Variants in SRPK1 observed in about 807,000 individuals in gnomAD.
The protein encoded by SRPK1 is SFRS protein kinase 1.
Under a neutral mutation model 89.5 loss-of-function variants are expected in SRPK1, and 52 were observed. The observed-to-expected ratio is 0.58, with a 90% CI of 0.46 to 0.73. The LOEUF (loss-of-function observed/expected upper bound fraction) is 0.73. Among genes scored for constraint, SRPK1 ranks in the 30% least tolerant of loss-of-function variants. The pLI is 0.00. For missense variants in SRPK1, 603 were observed against 780.6 expected (o/e 0.77, Z 2.71); for synonymous variants, 255 against 270.2 (o/e 0.94, Z 0.55).
intron 2 of SRPK1, among the ~76,000 whole-genome samples, chr6:35,917,583 A>G (rs1314879574): frequency 6.6e-6 from 1 of 152,234 alleles, no homozygotes; most frequent in Non-Finnish European, 1.5e-5. Context: ...AAAAGAACCC[A>G]AAGGAAATCC....
intron 12 of SRPK1, among the ~76,000 whole-genome samples, chr6:35,861,544 C>A (rs1307499546): frequency 1.3e-5 from 2 of 152,202 alleles, no homozygotes; most frequent in Admixed American, 1.3e-4. Context: ...GTCCCTATCA[C>A]CCTGCCATGG....
rs1298484082 is a variant in SRPK1, at chr6:35,888,798, GAACCACTAA to G, written c.302+8_302+16del. On this transcript the variant is annotated splice_region_variant and intron_variant, in intron 4 of 15. Transcript: ENST00000373825. ...ACATCATCTAACTAATTCTTTTACAGAACCACTAAAACTTACTGAATATCCCATGATAAC... is the reference window on the plus strand; with the variant it reads ...ACATCATCTAACTAATTCTTTTACAGAACTTACTGAATATCCCATGATAAC... 6.6e-7 allele frequency: 1 copy of G among 1,510,528 alleles called. No homozygotes were observed. Among genetic ancestry groups the G allele is most frequent in the Admixed American group, 1.7e-5 (1 of 59,622 alleles). 93.6% of individuals were successfully genotyped at this position (1,510,528 alleles called of 1,614,324 possible). A position where few individuals can be genotyped will look rare whatever the true frequency, so the allele number is the denominator to read the frequency against.
intron 4 of SRPK1, 110 bp downstream of exon 4, chr6:35,888,705 T>C (rs1159201950): frequency 1.8e-5 from 13 of 724,748 alleles, no homozygotes; most frequent in Non-Finnish European, 2.8e-5. Flanking sequence ...AAAATTCTGA[T>C]AAATGAATCA....
At chr6:35,884,176 A>G (rs1049263516) in intron 6 of SRPK1, among the ~76,000 whole-genome samples, 1 of 152,156 alleles carries the variant, frequency 6.6e-6, no homozygotes, top group Admixed American at 6.5e-5. Flanking sequence ...CAGACAGAAT[A>G]CAGCATGAAA....
At chr6:35,920,330 AC>A (rs1029395529) in intron 2 of SRPK1, 137 bp downstream of exon 2, 12 of 873,778 alleles carry the variant, frequency 1.4e-5, no homozygotes, top group Admixed American at 1.3e-4. Context: ...CTGGAGAGCG[AC>A]CCTCCGAGCT....
intron 2 of SRPK1, among the ~76,000 whole-genome samples, chr6:35,916,784 C>G (rs779078583): frequency 2.6e-5 from 4 of 152,184 alleles, no homozygotes; most frequent in African/African-American, 4.8e-5. Context: ...ATAGGTCAGG[C>G]ACGGTAGCTC....
At chr6:35,892,624 C>A (rs1476953342) in intron 2 of SRPK1, among the ~76,000 whole-genome samples, 2 of 151,706 alleles carry the variant, frequency 1.3e-5, no homozygotes, top group Non-Finnish European at 2.9e-5. Context: ...TGCACTCCAC[C>A]CTGGGCAACA....
chr6:35,860,954 A>G (rs895662999), intron 12 of SRPK1, among the ~76,000 whole-genome samples: 1 of 152,160 alleles, frequency 6.6e-6, no homozygotes, highest in Non-Finnish European at 1.5e-5. Context: ...AAGGAAGAGT[A>G]AGCTCTCTTT....
intron 2 of SRPK1, among the ~76,000 whole-genome samples, chr6:35,904,360 T>C (rs1405086564): frequency 6.6e-6 from 1 of 152,060 alleles, no homozygotes; most frequent in Non-Finnish European, 1.5e-5. Flanking sequence ...TCCACAACTG[T>C]GCTTAATACT....
chr6:35,836,909 T>C (rs891998252), intron 15 of SRPK1, among the ~76,000 whole-genome samples: 2 of 152,068 alleles, frequency 1.3e-5, no homozygotes, highest in African/African-American at 4.8e-5. Flanking sequence ...TTATGAAACA[T>C]TTTACAATTT....
intron 2 of SRPK1, among the ~76,000 whole-genome samples, chr6:35,898,822 C>G (rs970481199): frequency 6.6e-6 from 1 of 152,160 alleles, no homozygotes; most frequent in East Asian, 1.9e-4. Flanking sequence ...TTAAAGCCCT[C>G]TGAACTCCAG....
chr6:35,860,482 A>G (rs1769759063), intron 12 of SRPK1, among the ~76,000 whole-genome samples: 1 of 152,232 alleles, frequency 6.6e-6, no homozygotes, highest in Non-Finnish European at 1.5e-5. Flanking sequence ...ACATAAAGGC[A>G]CCAGAGCCTG....
intron 2 of SRPK1, among the ~76,000 whole-genome samples, chr6:35,897,928 G>A (rs1770657695): frequency 6.6e-6 from 1 of 152,174 alleles, no homozygotes. Context: ...TCACCTGTAT[G>A]TTTATTTAAA....
intron 2 of SRPK1, among the ~76,000 whole-genome samples, chr6:35,906,269 G>T (rs1770846345): frequency 6.6e-6 from 1 of 152,068 alleles, no homozygotes; most frequent in Non-Finnish European, 1.5e-5. Flanking sequence ...CTGTCACCTG[G>T]TCTGGAGTTC....
rs939410308 is a variant in SRPK1, at chr6:35,835,408, C to T, written c.1864G>A (p.Glu622Lys). The part of the protein sequence containing the change: ...LVEKYEWSQE[E>K]AAGFTDFLLP... ...AAGAAATCTGTGAAGCCAGCTGCCT[C>T]TTCCTGCGACCACTCATACTTCTCC... The change falls in exon 16 of 16, where the codon GAG (glutamate) becomes AAG (lysine). Residue 622 changes from glutamate (E) to lysine (K), a missense_variant. Coordinates refer to ENST00000373825, the MANE Select transcript of SRPK1 (RefSeq NM_003137.5). 6.2e-7 allele frequency: 1 copy of T among 1,613,772 alleles called. No individual in the cohort carries two copies. The highest frequency in any genetic ancestry group is 8.5e-7 in the Non-Finnish European group (1 of 1,179,834).
At chr6:35,851,443 A>G (rs1002992539) in intron 13 of SRPK1, among the ~76,000 whole-genome samples, 14 of 152,054 alleles carry the variant, frequency 9.2e-5, no homozygotes, top group Non-Finnish European at 1.6e-4. Flanking sequence ...CAAAGTGCTG[A>G]GATTACAGGC....
chr6:35,911,900 A>G (rs1770976822), intron 2 of SRPK1, among the ~76,000 whole-genome samples: 1 of 151,352 alleles, frequency 6.6e-6, no homozygotes, highest in South Asian at 2.1e-4. Flanking sequence ...GTTAAATACT[A>G]TCAAACATCA....
intron 13 of SRPK1, among the ~76,000 whole-genome samples, chr6:35,847,820 T>C (rs1262854734): frequency 6.6e-6 from 1 of 151,934 alleles, no homozygotes; most frequent in East Asian, 1.9e-4. Context: ...GTTTGGAAGA[T>C]TTATTTTTAT....
chr6:35,898,432 G>T (rs1448480762), intron 2 of SRPK1, among the ~76,000 whole-genome samples: 5 of 152,178 alleles, frequency 3.3e-5, no homozygotes, highest in Admixed American at 3.3e-4. Context: ...AGTGTACACT[G>T]CTCAGGTGAC....
Sources: allele counts gnomAD v4.1 joint callset (sites outside exome capture counted in the v4.1 genomes callset), GRCh38; gene constraint gnomAD v4.1.1; transcripts MANE v1.5; gene names NCBI Gene and HGNC (gene_info 2026-07-23, HGNC 2026-07-21).